The following MROH6 variants were observed in gnomAD, a reference collection of about 807,000 sequenced individuals.
The protein encoded by MROH6 is maestro heat-like repeat-containing protein family member 6.
MROH6 carries 62 observed loss-of-function variants against 67.7 expected under a neutral mutation model. That is an observed-to-expected ratio of 0.92 (90% CI 0.75 to 1.13). MROH6 has a LOEUF of 1.13. Ranked by LOEUF, MROH6 falls within the 50% of genes most tolerant of loss-of-function variation. The pLI is 0.00. For missense variants in MROH6, 1,175 were observed against 1,029.1 expected (o/e 1.14, Z -1.94); for synonymous variants, 566 against 470.8 (o/e 1.20, Z -2.62).
rs1020607622 is a variant in MROH6 at position 143,567,343 on chromosome 8, T to A, written c.2056A>T (p.Ile686Phe). 2 of 1,219,632 alleles carry A rather than the reference T, an allele frequency of 1.6e-6. No individual in the cohort carries two copies. Among genetic ancestry groups the A allele is most frequent in the East Asian group, 3.3e-5 (1 of 30,672 alleles). 75.6% of individuals were successfully genotyped at this position (1,219,632 alleles called of 1,614,324 possible). A position where few individuals can be genotyped will look rare whatever the true frequency, so the allele number is the denominator to read the frequency against. The change falls in exon 14 of 14, where the codon ATC (isoleucine) becomes TTC (phenylalanine). Residue 686 changes from isoleucine to phenylalanine, a missense_variant. Physicochemically the swap from Ile to Phe is conservative, Grantham distance 21. Coordinates refer to ENST00000398882, the MANE Select transcript of MROH6 (RefSeq NM_001100878.2). The stretch of plus-strand genomic sequence containing the variant: ...GGGGGCCGGGCGGGGCGCGGGGCGA[T>A]GCGGAGAAGGCGGGGCCCGCGGGGG... ...GCPRGPRLLR[I>F]APRPARPPPV...
chr8:143,568,182 T>G lies in MROH6; in HGVS notation c.1724A>C (p.Tyr575Ser). 6.2e-7 allele frequency: 1 copy of G among 1,610,550 alleles called. No homozygotes were observed. The highest frequency in any genetic ancestry group is 8.5e-7 in the Non-Finnish European group (1 of 1,179,028). ...GTGGCTCAGGGCCTCGGGGCTGTCA[T>G]AGTGGGCCACGGTGACCAACTCCTC... ...LLEELVTVAH[Y>S]DSPEALSHLC... is the part of the protein sequence containing the mutation. Residue 575 changes from tyrosine to serine, a missense_variant, in exon 11 of 14, where the codon TAT becomes TCT. Physicochemically the swap from Tyr to Ser is moderately radical, Grantham distance 144. Coordinates refer to ENST00000398882, the MANE Select transcript of MROH6 (RefSeq NM_001100878.2).
chr8:143,568,700 G>T lies in MROH6; in HGVS notation c.1496C>A (p.Ala499Asp). 6.7e-7 allele frequency: 1 copy of T among 1,502,686 alleles called. No homozygotes were observed. 93.1% of individuals were successfully genotyped at this position (1,502,686 alleles called of 1,614,324 possible). The part of the protein sequence containing the change: ...LLDDTRDSIR[A>D]SAVGLLGTLV... The stretch of plus-strand genomic sequence containing the variant: ...AGTCCCAAGGAGCCCGACGGCCGAG[G>T]CGCGGATTGAGTCCCGTGTCTGCGT... The change falls in exon 10 of 14, where the codon GCC becomes GAC. Residue 499 changes from alanine to aspartate, a missense_variant. Physicochemically the swap from Ala to Asp is moderately radical, Grantham distance 126 (BLOSUM62 -2). Transcript: ENST00000398882.
In MROH6 at chr8:143,568,692, CGGCCGAGGCGCGGATT is replaced by C; in HGVS notation, c.1488_1503del (p.Ile497SerfsTer80). ...CGCACCAGAGTCCCAAGGAGCCCGACGGCCGAGGCGCGGATTGAGTCCCGTGTCTGCGTGGGAGGGC... is the reference window on the plus strand; with the variant it reads ...CGCACCAGAGTCCCAAGGAGCCCGACGAGTCCCGTGTCTGCGTGGGAGGGC... On this transcript the variant is annotated frameshift_variant, in exon 10 of 14. Coordinates refer to ENST00000398882, the MANE Select transcript of MROH6 (RefSeq NM_001100878.2). LOFTEE classifies it high-confidence loss of function. The C allele has an allele frequency of 6.6e-7, 1 of 1,507,518 alleles. No individual in the cohort carries two copies. Among genetic ancestry groups the C allele is most frequent in the Non-Finnish European group, 8.8e-7 (1 of 1,132,594 alleles). 93.4% of individuals were successfully genotyped at this position (1,507,518 alleles called of 1,614,324 possible). A position where few individuals can be genotyped will look rare whatever the true frequency, so the allele number is the denominator to read the frequency against.
intron 2 of MROH6, 68 bp from the exon 3 acceptor site, chr8:143,571,889 C>A: frequency 1.3e-6 from 2 of 1,499,418 alleles, no homozygotes; most frequent in Non-Finnish European, 1.8e-6. Context: ...CTGGCCTGCA[C>A]CCCACCTCCA....
At position 143,569,555 on chromosome 8, in the gene MROH6, C is replaced by CG. The variant is rs765469629; in HGVS notation, c.1361dup (p.Arg455AlafsTer87). On this transcript the variant is annotated frameshift_variant, in exon 9 of 14. Transcript: ENST00000398882. LOFTEE classifies it high-confidence loss of function. ...CGCCCAGCGCTGCACCCACGAGCCG[C>CG]GCGTCGCCTTCGCCCAGTGCGCCCA... 119 of 1,538,958 alleles carry CG rather than the reference C, an allele frequency of 7.7e-5. No homozygotes were observed. Among genetic ancestry groups the CG allele is most frequent in the Middle Eastern group, 2.0e-4 (1 of 5,012 alleles).
rs1449891405 is a variant in MROH6 at position 143,569,816 on chromosome 8, G to C, written c.1183C>G (p.Arg395Gly). The C allele has an allele frequency of 2.5e-6, 4 of 1,611,336 alleles. No homozygotes were observed. The Admixed American group carries it at 6.7e-5, about 27-fold the overall frequency. ...AGGATGACCTCCTCCCGCAGGAGCC[G>C]TGCGGTGGGCCGGCTCTGCAACAGC... ...TGLLQSRPTARLLREEVILER... is the reference protein window; with the variant it reads ...TGLLQSRPTAGLLREEVILER... Residue 395 changes from arginine to glycine, a missense_variant, in exon 8 of 14, where the codon CGG becomes GGG. Arg to Gly is a moderately radical substitution (Grantham distance 125). Transcript: ENST00000398882.
chr8:143,569,621 G>A lies in MROH6; in HGVS notation c.1303-7C>T, dbSNP rs1476752761. ...GCGTGCTCACGTGCCGCACCTGCTG[G>A]GACTCGGGGTCAGCCTCTTGCAGAC... On this transcript the variant is annotated splice_region_variant and splice_polypyrimidine_tract_variant and intron_variant, in intron 8 of 13. Coordinates refer to ENST00000398882, the MANE Select transcript of MROH6 (RefSeq NM_001100878.2). 1 of 1,582,362 alleles carries A rather than the reference G, an allele frequency of 6.3e-7. No individual in the cohort carries two copies. Among genetic ancestry groups the A allele is most frequent in the African/African-American group, 1.3e-5 (1 of 74,238 alleles).
chr8:143,570,585 G>C lies in MROH6; in HGVS notation c.793C>G (p.Leu265Val), dbSNP rs1823964831. The C allele has an allele frequency of 6.2e-7, 1 of 1,605,968 alleles. No homozygotes were observed. Residue 265 changes from leucine to valine, a missense_variant, in exon 5 of 14, where the codon CTG becomes GTG. Transcript: ENST00000398882. Reference sequence around the variant, plus strand: ...AGCTGTGTGACCAGCGCAAGCAGCAGATGTGGGTAGAAGCCCCTCGTGGCT... The same window carrying C: ...AGCTGTGTGACCAGCGCAAGCAGCACATGTGGGTAGAAGCCCCTCGTGGCT... ...VGATRGFYPH[L>V]LLALVTQLHK...
chr8:143,569,531 G>C lies in MROH6; in HGVS notation c.1386C>G (p.Gly462=). Residue 462 remains glycine (G), a synonymous_variant, in exon 9 of 14, where the codon GGC becomes GGG. Transcript: ENST00000398882. ...GCCGCAGCAGGAGCCTCCTCAGGGC[G>C]CCCAGCGCTGCACCCACGAGCCGCG... The part of the protein sequence containing the change: ...GDARLVGAAL[G]ALRRLLLRPR... The C allele has an allele frequency of 1.3e-6, 2 of 1,513,376 alleles. No homozygotes were observed. Among genetic ancestry groups the C allele is most frequent in the Non-Finnish European group, 1.8e-6 (2 of 1,138,124 alleles). 93.7% of individuals were successfully genotyped at this position (1,513,376 alleles called of 1,614,324 possible). A position where few individuals can be genotyped will look rare whatever the true frequency, so the allele number is the denominator to read the frequency against.
In MROH6 at chr8:143,572,766, C is replaced by T; in HGVS notation, c.-52G>A. The T allele has an allele frequency of 1.4e-6, 2 of 1,432,098 alleles. No homozygotes were observed. Among genetic ancestry groups the T allele is most frequent in the Non-Finnish European group, 1.8e-6 (2 of 1,096,968 alleles). 88.7% of individuals were successfully genotyped at this position (1,432,098 alleles called of 1,614,324 possible). ...GCTGCTCCTCCTGCGAAGTTGTGCC[C>T]AGGACTGACCTAGAAGCCGCCCCGG... On this transcript the variant is annotated 5_prime_UTR_variant, in exon 1 of 14. Transcript: ENST00000398882.
Position 143,569,734 on chromosome 8 carries a change from A to G in MROH6, c.1265T>C (p.Leu422Pro), listed in dbSNP as rs891683868. ...DPEPTVRWLG[L>P]LGLGHLALNR... Reference sequence around the variant, plus strand: ...CAGCGCGAGGTGGCCCAGGCCCAGCAGGCCCAACCAGCGCACAGTGGGTTC... The same window carrying G: ...CAGCGCGAGGTGGCCCAGGCCCAGCGGGCCCAACCAGCGCACAGTGGGTTC... The change falls in exon 8 of 14, where the codon CTG becomes CCG. Residue 422 changes from leucine to proline, a missense_variant. Physicochemically the swap from Leu to Pro is moderately conservative, Grantham distance 98. Coordinates refer to ENST00000398882, the MANE Select transcript of MROH6 (RefSeq NM_001100878.2). 5 of 1,613,186 alleles carry G rather than the reference A, an allele frequency of 3.1e-6. No homozygotes were observed. Among genetic ancestry groups the G allele is most frequent in the Non-Finnish European group, 4.2e-6 (5 of 1,179,714 alleles).
At chr8:143,570,215 C>T (rs778794705) in intron 6 of MROH6, 28 bp downstream of exon 6, 5 of 1,562,116 alleles carry the variant, frequency 3.2e-6, no homozygotes, top group Middle Eastern at 1.7e-4. Context: ...TGGTGTGACA[C>T]CCTGGGGCCC....
intron 1 of MROH6, 36 bp downstream of exon 1, chr8:143,572,385 G>T (rs1378244310): frequency 6.6e-6 from 10 of 1,518,700 alleles, no homozygotes; most frequent in Admixed American, 2.0e-5. Flanking sequence ...GGACCCCCAG[G>T]CCGGTTCGCA....
intron 11 of MROH6, 103 bp from the exon 12 acceptor site, chr8:143,567,991 G>A (rs1823729326): frequency 1.4e-6 from 2 of 1,432,642 alleles, no homozygotes; most frequent in Non-Finnish European, 1.9e-6. Context: ...GAGCCCCCAG[G>A]GCAGGTGGCA....
rs11990485 is a variant in MROH6 at position 143,570,610 on chromosome 8, T to A, written c.768A>T (p.Gly256=). Residue 256 remains glycine, a synonymous_variant, in exon 5 of 14, where the codon GGA becomes GGT. Transcript: ENST00000398882. Reference sequence around the variant, plus strand: ...GATGTGGGTAGAAGCCCCTCGTGGCTCCCACGCAGCCCGAAACAGCCAGCA... The same window carrying A: ...GATGTGGGTAGAAGCCCCTCGTGGCACCCACGCAGCCCGAAACAGCCAGCA... ...GEMLAVSGCV[G]ATRGFYPHLL... 3,535 of 1,601,612 alleles carry A rather than the reference T, an allele frequency of 2.2e-3. 69 individuals carry two copies. In the African/African-American group the frequency reaches 0.042, roughly 19 times the overall value.
chr8:143,571,052 T>G, intron 3 of MROH6, 58 bp from the exon 4 acceptor site: 7 of 1,418,236 alleles, frequency 4.9e-6, no homozygotes, highest in Non-Finnish European at 6.8e-6. Context: ...CCAGGGAATG[T>G]AGGGAGTCCC....
Position 143,567,805 on chromosome 8 carries a change from C to A in MROH6, c.1848G>T (p.Arg616=). Residue 616 remains arginine, a synonymous_variant, in exon 12 of 14, where the codon CGG becomes CGT. Coordinates refer to ENST00000398882, the MANE Select transcript of MROH6 (RefSeq NM_001100878.2). ...YLRSPQDPLR[R]AAAVLIGFLV... is the part of the protein sequence containing the mutation. ...CCTCACCTATAAGCACGGCGGCTGC[C>A]CGGCGCAGGGGGTCCTGTGGACTCC... 6.5e-7 allele frequency: 1 copy of A among 1,536,094 alleles called. No homozygotes were observed. Among genetic ancestry groups the A allele is most frequent in the Non-Finnish European group, 8.8e-7 (1 of 1,140,416 alleles).
intron 13 of MROH6, 53 bp downstream of exon 13, chr8:143,567,558 C>T: frequency 6.6e-7 from 1 of 1,523,678 alleles, no homozygotes; most frequent in African/African-American, 1.4e-5. Flanking sequence ...CCACTCCGCC[C>T]TAGCACCAGC....
intron 7 of MROH6, 48 bp downstream of exon 7, chr8:143,569,903 A>C (rs372813562): frequency 3.1e-6 from 5 of 1,610,704 alleles, no homozygotes; most frequent in African/African-American, 2.7e-5. Flanking sequence ...CGATTCAGGG[A>C]TCAAGTCCAG....
Sources: gnomAD v4.1 joint callset for allele counts on GRCh38, gnomAD v4.1.1 for gene constraint, MANE v1.5 for transcripts, NCBI Gene and HGNC (gene_info 2026-07-23, HGNC 2026-07-21) for gene names.